Variants in MTUS2 observed in about 807,000 individuals in gnomAD.
MTUS2 encodes the protein microtubule-associated tumor suppressor candidate 2.
In MTUS2, 40 loss-of-function variants were observed where a neutral mutation model predicts 114.1. That is an observed-to-expected ratio of 0.35 (90% CI 0.27 to 0.46). MTUS2 has a LOEUF of 0.46. MTUS2 is among the 20% of genes least tolerant of loss of function. The probability of loss-of-function intolerance (pLI) is 1.00; values close to 1 mark genes in which losing one functional copy is unlikely to be tolerated. For missense variants in MTUS2, 1,679 were observed against 1,705.4 expected (o/e 0.98, Z 0.27); for synonymous variants, 688 against 672.0 (o/e 1.02, Z -0.37).
At chr13:29,016,857 T>A (rs983519680) in intron 2 of MTUS2, among the ~76,000 whole-genome samples, 1 of 152,220 alleles carries the variant, frequency 6.6e-6, no homozygotes, top group African/African-American at 2.4e-5. Flanking sequence ...TCCCTGAATA[T>A]GTATTTTAGC....
chr13:29,357,324 C>T (rs907577110), intron 7 of MTUS2, among the ~76,000 whole-genome samples: 3 of 152,220 alleles, frequency 2.0e-5, no homozygotes, highest in African/African-American at 7.2e-5. Context: ...AGGTGACTCT[C>T]TGTACCATAG....
intron 5 of MTUS2, 70 bp downstream of exon 5, chr13:29,101,040 C>T (rs1890398223): frequency 7.1e-7 from 1 of 1,400,686 alleles, no homozygotes; most frequent in Non-Finnish European, 9.5e-7. Flanking sequence ...AACTGTGTGT[C>T]ATTTTCTTTG....
intron 2 of MTUS2, among the ~76,000 whole-genome samples, chr13:28,860,247 A>G (rs868166032): frequency 2.1e-4 from 32 of 152,158 alleles, no homozygotes; most frequent in African/African-American, 7.5e-4. Context: ...AAAACATGCA[A>G]ATGACTCAAT....
chr13:29,223,084 G>T (rs568273490), intron 5 of MTUS2, among the ~76,000 whole-genome samples: 37 of 152,210 alleles, frequency 2.4e-4, no homozygotes, highest in Non-Finnish European at 4.3e-4. Flanking sequence ...GCAGGAGGCA[G>T]ATGGGCTTCT....
intron 2 of MTUS2, among the ~76,000 whole-genome samples, chr13:29,014,060 A>G (rs967921334): frequency 2.6e-5 from 4 of 152,132 alleles, no homozygotes; most frequent in African/African-American, 9.7e-5. Flanking sequence ...GTGTGTTTTA[A>G]GCCATTCGAT....
intron 9 of MTUS2, among the ~76,000 whole-genome samples, chr13:29,445,135 G>A (rs1380352001): frequency 6.6e-6 from 1 of 152,200 alleles, no homozygotes; most frequent in African/African-American, 2.4e-5. Flanking sequence ...TCACACACTG[G>A]AAGATAATCT....
At chr13:28,848,119 T>TA (rs1876010645) in intron 2 of MTUS2, among the ~76,000 whole-genome samples, 1 of 152,202 alleles carries the variant, frequency 6.6e-6, no homozygotes. Context: ...TATATATATA[T>TA]TGAATGCCTG....
At chr13:29,462,681 A>G (rs537148098) in intron 9 of MTUS2, among the ~76,000 whole-genome samples, 1 of 152,188 alleles carries the variant, frequency 6.6e-6, no homozygotes, top group East Asian at 1.9e-4. Flanking sequence ...GAGGGAGAGA[A>G]ATGGAGGGTA....
chr13:29,216,040 AC>A (rs1895667193), intron 5 of MTUS2, among the ~76,000 whole-genome samples: 2 of 152,128 alleles, frequency 1.3e-5, no homozygotes, highest in Non-Finnish European at 2.9e-5. Flanking sequence ...TAAGCCCCTG[AC>A]TGGGGCTGCC....
At chr13:29,463,744 A>C (rs1485734441) in intron 9 of MTUS2, among the ~76,000 whole-genome samples, 4 of 152,334 alleles carry the variant, frequency 2.6e-5, no homozygotes, top group Non-Finnish European at 5.9e-5. Flanking sequence ...CATGCCTGTA[A>C]TCCCAGCACT....
intron 2 of MTUS2, among the ~76,000 whole-genome samples, chr13:28,913,497 C>G (rs1288001869): frequency 6.6e-6 from 1 of 152,078 alleles, no homozygotes; most frequent in African/African-American, 2.4e-5. Context: ...TTTTGATGTG[C>G]TGCTGGATTT....
At chr13:29,433,577 A>G (rs1188613231) in intron 8 of MTUS2, among the ~76,000 whole-genome samples, 2 of 152,242 alleles carry the variant, frequency 1.3e-5, no homozygotes, top group African/African-American at 2.4e-5. Flanking sequence ...TTTTCCACAG[A>G]GCTATTATAT....
At chr13:29,307,669 G>T in intron 6 of MTUS2, 1 of 1,130,928 alleles carries the variant, frequency 8.8e-7, no homozygotes, top group Non-Finnish European at 1.3e-6. Flanking sequence ...CTTCGACGCT[G>T]GGGCTAGCAT....
At chr13:28,865,404 A>G (rs1019546284) in intron 2 of MTUS2, among the ~76,000 whole-genome samples, 2 of 152,192 alleles carry the variant, frequency 1.3e-5, no homozygotes, top group African/African-American at 4.8e-5. Context: ...GCCTGCACTC[A>G]TATGTCAGAA....
chr13:29,332,981 T>C (rs182874518), intron 7 of MTUS2, among the ~76,000 whole-genome samples: 250 of 152,222 alleles, frequency 1.6e-3, no homozygotes, highest in Non-Finnish European at 3.1e-3. Context: ...ATTTTAGATC[T>C]TTCCCGCTTT....
At chr13:29,136,421 A>C (rs1341346260) in intron 5 of MTUS2, among the ~76,000 whole-genome samples, 1 of 152,156 alleles carries the variant, frequency 6.6e-6, no homozygotes, top group East Asian at 1.9e-4. Context: ...GGCCCCTTAG[A>C]TAGCTTCAGG....
In MTUS2 at chr13:29,024,919, T is replaced by A. The variant is rs778792901; in HGVS notation, c.221T>A (p.Phe74Tyr). Residue 74 changes from phenylalanine to tyrosine, a missense_variant, in exon 3 of 16, where the codon TTC (phenylalanine) becomes TAC (tyrosine). This residue lies in a region of MTUS2 where 843 missense variants were observed against 770.8 expected (regional missense o/e 1.09). Coordinates refer to ENST00000612955, the MANE Select transcript of MTUS2 (RefSeq NM_001033602.4). ...AGTGAGCCAGAAAACCGTACCCATT[T>A]CCATAAGGAATTTCACCAACTTCAG... ...NSSEPENRTH[F>Y]HKEFHQLQGF... 2 of 1,613,888 alleles carry A rather than the reference T, an allele frequency of 1.2e-6. No individual in the cohort carries two copies. The highest frequency in any genetic ancestry group is 1.7e-6 in the Non-Finnish European group (2 of 1,179,854).
intron 2 of MTUS2, among the ~76,000 whole-genome samples, chr13:28,957,092 A>C (rs1352329161): frequency 6.6e-6 from 1 of 152,204 alleles, no homozygotes; most frequent in Non-Finnish European, 1.5e-5. Context: ...ACATGTGCTA[A>C]AAGATGTATC....
At chr13:29,139,634 C>T (rs78883587) in intron 5 of MTUS2, among the ~76,000 whole-genome samples, 2,486 of 152,212 alleles carry the variant, frequency 0.016, 25 homozygotes, top group Non-Finnish European at 0.026. Flanking sequence ...CTTCACTCTA[C>T]GGTTTGGTCT....
Sources: gnomAD v4.1 joint callset for allele counts (sites outside exome capture counted in the v4.1 genomes callset) on GRCh38, gnomAD v4.1.1 for gene constraint, gnomAD v4.1.1 regional missense constraint, MANE v1.5 for transcripts, NCBI Gene and HGNC (gene_info 2026-07-23, HGNC 2026-07-21) for gene names.